Variants in ESPN observed in about 807,000 individuals in gnomAD.
The protein encoded by ESPN is autosomal recessive deafness type 36 protein.
A neutral mutation model predicts 77.7 loss-of-function variants in ESPN; 68 were observed. That is an observed-to-expected ratio of 0.87 (90% CI 0.72 to 1.07). The LOEUF (loss-of-function observed/expected upper bound fraction) is 1.07. Among genes scored for constraint, ESPN ranks in the 50% least tolerant of loss-of-function variants. ESPN has a pLI of 0.00. For missense variants in ESPN, 1,060 were observed against 1,239.0 expected (o/e 0.86, Z 2.17); for synonymous variants, 449 against 567.1 (o/e 0.79, Z 2.96).
rs1432524154 is a variant in ESPN at position 6,445,522 on chromosome 1, G to T, written c.1193-142G>T. 3.3e-6 allele frequency: 3 copies of T among 915,054 alleles called. No individual in the cohort carries two copies. In the East Asian group the frequency reaches 7.9e-5, roughly 24 times the overall value. The allele number at this position is 915,054 out of a possible 1,614,324, so 56.7% of individuals were successfully genotyped here. On this transcript the variant is annotated intron_variant, in intron 6 of 12. Coordinates refer to ENST00000645284, the MANE Select transcript of ESPN (RefSeq NM_031475.3). ...AGGGAGGGGAAGCCCAGCACCGCCA[G>T]GGGCCACAGCAGGTGTACCAAGTGG...
chr1:6,439,125 A>G (rs1050041210), intron 2 of ESPN, among the ~76,000 whole-genome samples: 1 of 152,172 alleles, frequency 6.6e-6, no homozygotes, highest in Admixed American at 6.5e-5. Context: ...AATAAAAATA[A>G]AAAAGAAGAA....
At chr1:6,459,810 G>A (rs1186642256) in intron 12 of ESPN, among the ~76,000 whole-genome samples, 189 bp from the exon 13 acceptor site, 1 of 152,022 alleles carries the variant, frequency 6.6e-6, no homozygotes, top group African/African-American at 2.4e-5. Context: ...CAGCTCCCCT[G>A]TGCTCCAGTA....
At chr1:6,458,462 C>A (rs189717024) in intron 12 of ESPN, among the ~76,000 whole-genome samples, 8 of 151,278 alleles carry the variant, frequency 5.3e-5, no homozygotes, top group African/African-American at 1.9e-4. Context: ...ATTACAGGCG[C>A]CCGCCACCAC....
chr1:6,455,600 G>A lies in ESPN; in HGVS notation c.2326-1584G>A, dbSNP rs528993689. On this transcript the variant is annotated intron_variant, in intron 10 of 12. Transcript: ENST00000645284. ...GGCCCCAGCACTTCCTGCCGCCCCT[G>A]GACGGCGGCGCACCCCCGCACTACG... 7.3e-4 allele frequency: 292 copies of A among 399,308 alleles called. 1 individual carries two copies. Among genetic ancestry groups the A allele is most frequent in the African/African-American group, 5.4e-3 (264 of 48,774 alleles). 24.7% of individuals were successfully genotyped at this position (399,308 alleles called of 1,614,324 possible).
At position 6,458,211 on chromosome 1, in the gene ESPN, T is replaced by C. The variant is rs1030165030; in HGVS notation, c.2417+839T>C. Reference sequence around the variant, plus strand: ...TTTTGTATTTTTAGTAGAGATGGGGTTTCACCATGTTGGCCAAGCTGGTCT... The same window carrying C: ...TTTTGTATTTTTAGTAGAGATGGGGCTTCACCATGTTGGCCAAGCTGGTCT... On this transcript the variant is annotated intron_variant, in intron 12 of 12. Coordinates refer to ENST00000645284, the MANE Select transcript of ESPN (RefSeq NM_031475.3). Among the ~76,000 whole-genome samples the C allele has an allele frequency of 5.9e-5, 9 of 151,772 alleles. No homozygotes were observed. In the South Asian group the frequency reaches 1.5e-3, roughly 25 times the overall value.
chr1:6,455,504 G>C (rs1268094012), intron 10 of ESPN: 1 of 397,818 alleles, frequency 2.5e-6, no homozygotes, highest in Admixed American at 4.4e-5. Flanking sequence ...CGGTGGGCAA[G>C]CTGCTGGGCC....
chr1:6,460,078 G>T lies in ESPN; in HGVS notation c.2497G>T (p.Asp833Tyr). 4 of 1,613,500 alleles carry T rather than the reference G, an allele frequency of 2.5e-6. No homozygotes were observed. The highest frequency in any genetic ancestry group is 2.2e-5 in the East Asian group (1 of 44,884). Residue 833 changes from aspartate to tyrosine, a missense_variant, in exon 13 of 13, where the codon GAT becomes TAT. Physicochemically the swap from Asp to Tyr is radical, Grantham distance 160. Transcript: ENST00000645284. ...QSEKLRTLGY[D>Y]ESKLAPWQRQ... The stretch of plus-strand genomic sequence containing the variant: ...AGAGAAGCTGCGGACGCTGGGCTAC[G>T]ATGAGAGCAAGCTGGCGCCCTGGCA...
At chr1:6,449,750 A>G (rs1643913289) in intron 8 of ESPN, among the ~76,000 whole-genome samples, 1 of 152,090 alleles carries the variant, frequency 6.6e-6, no homozygotes, top group Admixed American at 6.5e-5. Flanking sequence ...ACCTTTTTTA[A>G]GAGCTAGACT....
At chr1:6,457,942 C>A (rs1644084257) in intron 12 of ESPN, among the ~76,000 whole-genome samples, 1 of 148,056 alleles carries the variant, frequency 6.8e-6, no homozygotes. Context: ...GAGGCCAAGG[C>A]AGGGGGACCA....
Position 6,451,013 on chromosome 1 carries a change from C to T in ESPN, c.1916-590C>T, listed in dbSNP as rs1423017708. Reference sequence around the variant, plus strand: ...CTTTCCTGGGCCCCTAGAGCTGAGCCATGCTTTGCCATAAAGGTGCTCCCG... The same window carrying T: ...CTTTCCTGGGCCCCTAGAGCTGAGCTATGCTTTGCCATAAAGGTGCTCCCG... On this transcript the variant is annotated intron_variant, in intron 8 of 12. Transcript: ENST00000645284. This position sits in a 1 kb window ranked among gnomAD's most constrained non-coding sequence, Gnocchi z 4.3. Among the ~76,000 whole-genome samples, 4 of 152,314 alleles carry T rather than the reference C, an allele frequency of 2.6e-5. No homozygotes were observed. In the East Asian group the frequency reaches 7.7e-4, roughly 29 times the overall value.
Position 6,444,631 on chromosome 1 carries a change from G to C in ESPN, c.1141G>C (p.Asp381His). Reference protein sequence around the residue: ...SSPTSTLSNYDSCSSSHSSIK... With the variant: ...SSPTSTLSNYHSCSSSHSSIK... ...GCCTACCAGCACCCTCTCCAACTACGACTCCTGCTCCTCCAGCCACTCCAG... is the reference window on the plus strand; with the variant it reads ...GCCTACCAGCACCCTCTCCAACTACCACTCCTGCTCCTCCAGCCACTCCAG... Residue 381 changes from aspartate (D) to histidine (H), a missense_variant, in exon 6 of 13, where the codon GAC becomes CAC. Transcript: ENST00000645284. 1 of 1,614,108 alleles carries C rather than the reference G, an allele frequency of 6.2e-7. No individual in the cohort carries two copies. Among genetic ancestry groups the C allele is most frequent in the Non-Finnish European group, 8.5e-7 (1 of 1,180,020 alleles).
chr1:6,451,957 C>A lies in ESPN; in HGVS notation c.2186C>A (p.Ala729Glu), dbSNP rs769832393. Reference sequence around the variant, plus strand: ...GTTCCCGTGCCGCCCACTACTCCTGCGCCGGGAGTGCAGCTGGACGTGGAG... The same window carrying A: ...GTTCCCGTGCCGCCCACTACTCCTGAGCCGGGAGTGCAGCTGGACGTGGAG... The part of the protein sequence containing the change: ...SLVPVPPTTP[A>E]PGVQLDVEAL... Residue 729 changes from alanine to glutamate, a missense_variant, in exon 10 of 13, where the codon GCG (alanine) becomes GAG (glutamate). By Grantham distance (107) the Ala-to-Glu change is moderately radical. Coordinates refer to ENST00000645284, the MANE Select transcript of ESPN (RefSeq NM_031475.3). The surrounding 1 kb of genome is among the most constrained non-coding windows in gnomAD (Gnocchi z 4.3). The A allele has an allele frequency of 3.7e-5, 59 of 1,610,598 alleles. No homozygotes were observed. Among genetic ancestry groups the A allele is most frequent in the Non-Finnish European group, 4.9e-5 (58 of 1,178,772 alleles).
chr1:6,428,346 G>A lies in ESPN; in HGVS notation c.415G>A (p.Ala139Thr), dbSNP rs756669745. The change falls in exon 2 of 13, where the codon GCC (alanine) becomes ACC (threonine). Residue 139 changes from alanine to threonine, a missense_variant. By Grantham distance (58) the Ala-to-Thr change is moderately conservative (BLOSUM62 0). Around this residue, in one of 3 missense-constraint regions of ESPN, gnomAD observed 556 missense variants for 633.6 expected, o/e 0.88. Transcript: ENST00000645284. This position sits in a 1 kb window ranked among gnomAD's most constrained non-coding sequence, Gnocchi z 5.4. ...CCCCACCGCGGCCACAGACATGGGC[G>A]CCCTGCCTATCCACTACGCTGCCGC... is the stretch of plus-strand genomic sequence containing the variant. ...GDPTAATDMG[A>T]LPIHYAAAKG... The A allele has an allele frequency of 3.4e-5, 55 of 1,612,862 alleles. No individual in the cohort carries two copies. The highest frequency in any genetic ancestry group is 4.2e-5 in the Non-Finnish European group (50 of 1,179,966).
intron 5 of ESPN, among the ~76,000 whole-genome samples, chr1:6,443,539 G>A (rs1210005054): frequency 3.3e-5 from 5 of 152,254 alleles, no homozygotes; most frequent in Non-Finnish European, 7.3e-5. Flanking sequence ...GTAGGCAGCA[G>A]GGCCTGGTCC....
intron 10 of ESPN, among the ~76,000 whole-genome samples, chr1:6,453,327 A>G (rs1391792224): frequency 6.6e-6 from 1 of 152,230 alleles, no homozygotes; most frequent in African/African-American, 2.4e-5. Flanking sequence ...GCAGTGTGAG[A>G]GAGTGGGTGG....
chr1:6,461,247 A>T, downstream of ESPN: 1 of 777,656 alleles, frequency 1.3e-6, no homozygotes, highest in South Asian at 1.5e-5. This position sits in a 1 kb window ranked among gnomAD's most constrained non-coding sequence, Gnocchi z 6.3. Flanking sequence ...CCCTCTCGAC[A>T]TTCGTTCGTG....
At chr1:6,446,401 G>A (rs920863911) in intron 7 of ESPN, among the ~76,000 whole-genome samples, 1 of 152,180 alleles carries the variant, frequency 6.6e-6, no homozygotes, top group African/African-American at 2.4e-5. Context: ...GAAGGAGGGT[G>A]GGGGGAAGGT....
chr1:6,457,083 G>A (rs1349941571), intron 10 of ESPN, 101 bp from the exon 11 acceptor site: 1 of 1,151,320 alleles, frequency 8.7e-7, no homozygotes, highest in Non-Finnish European at 1.3e-6. Context: ...TGCATCAAAA[G>A]GATGTCTTCC....
chr1:6,436,547 C>T (rs1186138814), intron 2 of ESPN, among the ~76,000 whole-genome samples: 5 of 151,740 alleles, frequency 3.3e-5, no homozygotes, highest in Non-Finnish European at 5.9e-5. Context: ...CTCTGACACC[C>T]GGGCTGGAGT....
Sources: allele counts gnomAD v4.1 joint callset (sites outside exome capture counted in the v4.1 genomes callset), GRCh38; gene constraint gnomAD v4.1.1; regional missense constraint gnomAD v4.1.1; non-coding constraint Gnocchi (gnomAD v3.1); transcripts MANE v1.5; gene names NCBI Gene and HGNC (gene_info 2026-07-23, HGNC 2026-07-21).